The following CDH2 variants were observed in gnomAD, a reference collection of about 807,000 sequenced individuals.
The protein encoded by CDH2 is cadherin-2.
A neutral mutation model predicts 92.0 loss-of-function variants in CDH2; 17 were observed. The observed-to-expected ratio is 0.18, with a 90% CI of 0.13 to 0.28. CDH2 has a LOEUF of 0.28. CDH2 is among the 10% of genes least tolerant of loss of function. The pLI, the probability that CDH2 is intolerant of heterozygous loss-of-function variation, is 1.00. For missense variants in CDH2, 862 were observed against 1,133.1 expected (o/e 0.76, Z 3.44); for synonymous variants, 419 against 415.9 (o/e 1.01, Z -0.09).
intron 2 of CDH2, among the ~76,000 whole-genome samples, chr18:28,044,325 C>G (rs1037448547): frequency 2.6e-5 from 4 of 152,150 alleles, no homozygotes; most frequent in Non-Finnish European, 4.4e-5. Flanking sequence ...CACATTTTGC[C>G]TGTTAACCCC....
intron 1 of CDH2, among the ~76,000 whole-genome samples, chr18:28,157,540 C>T (rs759845715): frequency 4.6e-5 from 7 of 152,066 alleles, no homozygotes; most frequent in South Asian, 4.1e-4. Flanking sequence ...CTATTCAAAC[C>T]GGCATCAAAA....
intron 2 of CDH2, among the ~76,000 whole-genome samples, chr18:28,058,137 TG>T (rs891567942): frequency 9.2e-5 from 14 of 152,230 alleles, no homozygotes; most frequent in Non-Finnish European, 1.8e-4. Flanking sequence ...GTTCTCTGGT[TG>T]GATCAAAGCA....
At chr18:28,124,548 A>C (rs995611941) in intron 2 of CDH2, among the ~76,000 whole-genome samples, 2 of 152,156 alleles carry the variant, frequency 1.3e-5, no homozygotes, top group African/African-American at 2.4e-5. Context: ...TGGCCACTGG[A>C]ACATCTCCCA....
chr18:27,990,803 C>T (rs2012391100), intron 9 of CDH2, among the ~76,000 whole-genome samples: 1 of 152,114 alleles, frequency 6.6e-6, no homozygotes, highest in Non-Finnish European at 1.5e-5. Flanking sequence ...AACCAAAAAT[C>T]AGAAAATGTA....
chr18:28,090,025 A>AT (rs2015007051), intron 2 of CDH2, among the ~76,000 whole-genome samples: 1 of 152,234 alleles, frequency 6.6e-6, no homozygotes, highest in Non-Finnish European at 1.5e-5. Context: ...TGTAGTTAGC[A>AT]TAACTACAAA....
chr18:27,952,461 G>A, intron 15 of CDH2, 102 bp from the exon 16 acceptor site: 1 of 870,462 alleles, frequency 1.1e-6, no homozygotes. Flanking sequence ...ACAAACACTT[G>A]TTTGTAAATT....
chr18:27,985,058 A>C lies in CDH2; in HGVS notation c.2151T>G (p.Gly717=). Residue 717 remains glycine (G), a synonymous_variant, in exon 13 of 16, where the codon GGT becomes GGG. Transcript: ENST00000269141. The part of the protein sequence containing the change: ...GDCTDVDRIV[G]AGLGTGAIIA... ...TGATGGCACCGGTGCCAAGCCCCGC[A>C]CCCACAATCCTGTCCACATCTGTGC... The C allele has an allele frequency of 1.2e-6, 2 of 1,614,180 alleles. No individual in the cohort carries two copies. The highest frequency in any genetic ancestry group is 2.2e-5 in the South Asian group (2 of 91,082).
At chr18:27,955,388 AAAAG>A (rs200515861) in intron 15 of CDH2, among the ~76,000 whole-genome samples, 40,020 of 90,278 alleles carry the variant, frequency 0.44, 5,933 homozygotes, top group Admixed American at 0.52. Context: ...AAAAAAAAGA[AAAAG>A]AAAGAAAAAG....
At chr18:28,022,566 T>C (rs1331884050) in intron 2 of CDH2, among the ~76,000 whole-genome samples, 1 of 152,090 alleles carries the variant, frequency 6.6e-6, no homozygotes, top group East Asian at 1.9e-4. Context: ...TACCACTTTT[T>C]CTCCAAATAA....
rs528393764 is a variant in CDH2 at position 28,106,296 on chromosome 18, A to T, written c.172+41377T>A. On this transcript the variant is annotated intron_variant, in intron 2 of 15. Coordinates refer to ENST00000269141, the MANE Select transcript of CDH2 (RefSeq NM_001792.5). ...GCAGGGCATGGTGGTGTGCACCTGT[A>T]GTCCCAGCTACTCAGGAGGCTGAGG... is the stretch of plus-strand genomic sequence containing the variant. 9.8e-5 allele frequency among the ~76,000 whole-genome samples: 15 copies of T among 152,306 alleles called. 1 individual carries two copies. The highest frequency in any genetic ancestry group is 3.4e-4 in the African/African-American group (14 of 41,564).
chr18:28,093,487 C>T (rs2144216574), intron 2 of CDH2, among the ~76,000 whole-genome samples: 1 of 152,066 alleles, frequency 6.6e-6, no homozygotes, highest in Middle Eastern at 3.4e-3. Flanking sequence ...CACCATTCGA[C>T]TCCCATATGG....
At position 28,085,911 on chromosome 18, in the gene CDH2, C is replaced by T. The variant is rs527570206; in HGVS notation, c.172+61762G>A. 8.5e-5 allele frequency among the ~76,000 whole-genome samples: 13 copies of T among 152,188 alleles called. No individual in the cohort carries two copies. In the East Asian group the frequency reaches 1.4e-3, roughly 16 times the overall value. ...GTCATGTGAACTAATCACATGATAA[C>T]GCCACAGGACACAGGTTATTAACTA... On this transcript the variant is annotated intron_variant, in intron 2 of 15. Transcript: ENST00000269141.
At chr18:28,011,034 T>A (rs1220145) in intron 4 of CDH2, among the ~76,000 whole-genome samples, 150,296 of 151,662 alleles carry the variant, frequency 0.99, 74,591 homozygotes, top group Middle Eastern at 1. Flanking sequence ...AGTTACATTC[T>A]TTGTTAAAGT....
At chr18:27,996,372 C>T (rs2012580943) in intron 7 of CDH2, among the ~76,000 whole-genome samples, 1 of 152,094 alleles carries the variant, frequency 6.6e-6, no homozygotes, top group Admixed American at 6.5e-5. Context: ...AAGGATGCTG[C>T]TAAACAGCCT....
intron 2 of CDH2, among the ~76,000 whole-genome samples, chr18:28,075,772 G>A (rs1444375675): frequency 6.6e-6 from 1 of 152,076 alleles, no homozygotes; most frequent in African/African-American, 2.4e-5. Flanking sequence ...GATAGTCAAG[G>A]GAAGGACCAG....
At chr18:28,174,419 G>C (rs1218743384) in intron 1 of CDH2, among the ~76,000 whole-genome samples, 2 of 152,094 alleles carry the variant, frequency 1.3e-5, no homozygotes, top group Non-Finnish European at 2.9e-5. Context: ...TAAAACTCAT[G>C]TTGCGTAAAC....
In CDH2 at chr18:28,033,320, T is replaced by C. The variant is rs1785952927; in HGVS notation, c.173-19411A>G. 1.3e-5 allele frequency among the ~76,000 whole-genome samples: 2 copies of C among 152,070 alleles called. 1 individual carries two copies. Among genetic ancestry groups the C allele is most frequent in the South Asian group, 4.1e-4 (2 of 4,824 alleles). On this transcript the variant is annotated intron_variant, in intron 2 of 15. Coordinates refer to ENST00000269141, the MANE Select transcript of CDH2 (RefSeq NM_001792.5). ...GGCAAGGTTTTAGGATGTATTATTT[T>C]TGTAGGGAGGGATTTTTATGGACTA...
At chr18:28,168,459 A>G (rs2016417476) in intron 1 of CDH2, 1 of 152,688 alleles carries the variant, frequency 6.5e-6, no homozygotes. Flanking sequence ...GTGGTGGAAT[A>G]TCTTGCATTT....
rs775589576 is a variant in CDH2 at position 27,985,178 on chromosome 18, T to C, written c.2031A>G (p.Glu677=). Reference sequence around the variant, plus strand: ...CCGAATCTGTGATTATGATGGGAACTTCATAGATACCAGCTTCAAGAAATT... The same window carrying C: ...CCGAATCTGTGATTATGATGGGAACCTCATAGATACCAGCTTCAAGAAATT... ...KIKFLEAGIY[E]VPIIITDSGN... Residue 677 remains glutamate (E), a synonymous_variant, in exon 13 of 16, where the codon GAA becomes GAG. Coordinates refer to ENST00000269141, the MANE Select transcript of CDH2 (RefSeq NM_001792.5). 4 of 1,613,122 alleles carry C rather than the reference T, an allele frequency of 2.5e-6. No homozygotes were observed. Among genetic ancestry groups the C allele is most frequent in the Non-Finnish European group, 3.4e-6 (4 of 1,179,098 alleles).
Sources: allele counts gnomAD v4.1 joint callset (sites outside exome capture counted in the v4.1 genomes callset), GRCh38; gene constraint gnomAD v4.1.1; transcripts MANE v1.5; gene names NCBI Gene and HGNC (gene_info 2026-07-23, HGNC 2026-07-21).